PRPSAP2: variants seen among roughly 807,000 people sequenced by gnomAD.
PRPSAP2 encodes phosphoribosyl pyrophosphate synthase-associated protein 2.
In PRPSAP2, 24 loss-of-function variants were observed where a neutral mutation model predicts 40.6. That is an observed-to-expected ratio of 0.59 (90% CI 0.43 to 0.83). PRPSAP2 has a LOEUF of 0.83. Ranked by LOEUF, PRPSAP2 falls within the 40% of genes least tolerant of loss-of-function variation. The pLI, the probability that PRPSAP2 is intolerant of heterozygous loss-of-function variation, is 0.00. For missense variants in PRPSAP2, 292 were observed against 465.6 expected (o/e 0.63, Z 3.43); for synonymous variants, 149 against 164.7 (o/e 0.90, Z 0.73).
chr17:18,868,725 T>TC (rs1322513785), intron 4 of PRPSAP2, among the ~76,000 whole-genome samples: 3 of 149,186 alleles, frequency 2.0e-5, no homozygotes, highest in African/African-American at 7.4e-5. Flanking sequence ...AAAAAAACAT[T>TC]TTTTTTTTTT....
intron 9 of PRPSAP2, among the ~76,000 whole-genome samples, chr17:18,918,250 T>C (rs542415019): frequency 6.2e-4 from 94 of 152,242 alleles, no homozygotes; most frequent in Non-Finnish European, 1.2e-3. Context: ...CCATCACTTA[T>C]CAGCTGTGTG....
chr17:18,870,451 A>G lies in PRPSAP2; in HGVS notation c.173-2132A>G, dbSNP rs1431424524. The stretch of plus-strand genomic sequence containing the variant: ...ACAGTTAATCCTTGAATACTTGACC[A>G]TGCATCCTCTAGGAATAATTACTTT... On this transcript the variant is annotated intron_variant, in intron 4 of 11. Transcript: ENST00000268835. 2.0e-5 allele frequency among the ~76,000 whole-genome samples: 3 copies of G among 152,246 alleles called. No individual in the cohort carries two copies. In the East Asian group the frequency reaches 5.8e-4, roughly 29 times the overall value.
intron 9 of PRPSAP2, among the ~76,000 whole-genome samples, chr17:18,915,168 G>A (rs1043303171): frequency 1.3e-5 from 2 of 151,976 alleles, no homozygotes; most frequent in African/African-American, 4.8e-5. Context: ...GGGACTGCAG[G>A]CATGTGCCAC....
At chr17:18,880,858 G>C (rs186335993) in intron 6 of PRPSAP2, among the ~76,000 whole-genome samples, 1 of 151,888 alleles carries the variant, frequency 6.6e-6, no homozygotes, top group East Asian at 1.9e-4. Context: ...TTTCGAGATG[G>C]AGTCTCGCTC....
rs2042117109 is a variant in PRPSAP2, at chr17:18,929,024, C to G, written c.951+67C>G. ...TTTGGCACATCTTGATCTTTAGTTA[C>G]AGAGAGTCAGGACAAGACTGAGATC... is the stretch of plus-strand genomic sequence containing the variant. On this transcript the variant is annotated intron_variant, in intron 11 of 11. Coordinates refer to ENST00000268835, the MANE Select transcript of PRPSAP2 (RefSeq NM_002767.4). 10 of 1,556,296 alleles carry G rather than the reference C, an allele frequency of 6.4e-6. 1 individual carries two copies. In the East Asian group the frequency reaches 2.3e-4, roughly 35 times the overall value.
chr17:18,893,153 C>CTTT (rs71355574), intron 8 of PRPSAP2, among the ~76,000 whole-genome samples: 1 of 124,994 alleles, frequency 8.0e-6, no homozygotes, highest in Non-Finnish European at 1.7e-5. Context: ...TTCAATTTAT[C>CTTT]TTTTTTTTTT....
intron 4 of PRPSAP2, 76 bp downstream of exon 4, chr17:18,867,410 C>G: frequency 3.4e-6 from 5 of 1,491,320 alleles, no homozygotes; most frequent in Non-Finnish European, 4.7e-6. Flanking sequence ...TCATCCTTTA[C>G]TATTGAAACG....
intron 10 of PRPSAP2, among the ~76,000 whole-genome samples, chr17:18,925,822 C>G (rs1052623839): frequency 2.6e-5 from 4 of 152,164 alleles, no homozygotes; most frequent in African/African-American, 9.7e-5. Context: ...GTTAGAAAAT[C>G]TCTCTGGGGC....
At chr17:18,926,031 G>C (rs961389958) in intron 10 of PRPSAP2, among the ~76,000 whole-genome samples, 1 of 151,822 alleles carries the variant, frequency 6.6e-6, no homozygotes, top group Non-Finnish European at 1.5e-5. Flanking sequence ...ATGAGAGGCG[G>C]AGCTTGCAGT....
intron 10 of PRPSAP2, among the ~76,000 whole-genome samples, chr17:18,924,410 T>G (rs1210271838): frequency 1.3e-5 from 2 of 152,216 alleles, no homozygotes; most frequent in Non-Finnish European, 2.9e-5. Flanking sequence ...CTTATTAAAT[T>G]TGTGCCTTGT....
chr17:18,923,256 A>ATTTT (rs34975526), intron 9 of PRPSAP2, among the ~76,000 whole-genome samples: 11 of 105,392 alleles, frequency 1.0e-4, no homozygotes, highest in African/African-American at 3.0e-4. Context: ...CACTTGGCTA[A>ATTTT]TTTTTTTTTT....
chr17:18,892,718 TG>T (rs1290847657), intron 8 of PRPSAP2, among the ~76,000 whole-genome samples: 33 of 98,760 alleles, frequency 3.3e-4, no homozygotes, highest in African/African-American at 8.2e-4. Context: ...TGTGTGTGTG[TG>T]TGTGTGTGTA....
At chr17:18,889,303 C>T (rs1011614268) in intron 7 of PRPSAP2, among the ~76,000 whole-genome samples, 2 of 152,122 alleles carry the variant, frequency 1.3e-5, no homozygotes, top group African/African-American at 4.8e-5. Context: ...TATTAAAATT[C>T]ATTGGTGTAA....
rs1159948205 is a variant in PRPSAP2, at chr17:18,903,210, CTG to C, written c.585-7892_585-7891del. Among the ~76,000 whole-genome samples, 123 of 144,876 alleles carry C rather than the reference CTG, an allele frequency of 8.5e-4. 1 individual carries two copies. The highest frequency in any genetic ancestry group is 3.2e-3 in the African/African-American group (120 of 37,040). The stretch of plus-strand genomic sequence containing the variant: ...TGGGAGGCCGAGATGGGTGGATCTC[CTG>C]AGGTCAGGAGAATTGCTTGAACCCG... On this transcript the variant is annotated intron_variant, in intron 8 of 11. Transcript: ENST00000268835.
rs59052578 is a variant in PRPSAP2, at chr17:18,869,840, T to TG, written c.172+2506_172+2507insG. On this transcript the variant is annotated intron_variant, in intron 4 of 11. Coordinates refer to ENST00000268835, the MANE Select transcript of PRPSAP2 (RefSeq NM_002767.4). ...ATCTGTTCCCATTTTGCTACTTTTT[T>TG]TTTGTGTGTGTGTGTGTGTGTGTGT... Among the ~76,000 whole-genome samples the TG allele has an allele frequency of 5.1e-4, 72 of 142,572 alleles. 1 individual carries two copies. The East Asian group carries it at 9.4e-3, about 19-fold the overall frequency. 93.5% of individuals were successfully genotyped at this position (142,572 alleles called of 152,430 possible).
chr17:18,876,073 C>T (rs778165013), intron 5 of PRPSAP2, among the ~76,000 whole-genome samples: 1 of 152,080 alleles, frequency 6.6e-6, no homozygotes. Context: ...GCGGAGGTTG[C>T]GGTGAGCCGA....
intron 7 of PRPSAP2, 150 bp from the exon 8 acceptor site, chr17:18,889,672 G>T (rs1465159086): frequency 9.0e-6 from 5 of 555,066 alleles, no homozygotes; most frequent in Admixed American, 3.7e-5. Flanking sequence ...TTTTTCATAG[G>T]CAGGTTCCTT....
At chr17:18,909,957 C>T (rs564093770) in intron 8 of PRPSAP2, among the ~76,000 whole-genome samples, 51 of 152,270 alleles carry the variant, frequency 3.3e-4, no homozygotes, top group Non-Finnish European at 6.5e-4. Flanking sequence ...TGAATGTTCA[C>T]AGCAGCTTTG....
At chr17:18,876,111 C>T (rs578139434) in intron 5 of PRPSAP2, among the ~76,000 whole-genome samples, 5 of 152,208 alleles carry the variant, frequency 3.3e-5, no homozygotes, top group African/African-American at 1.2e-4. Flanking sequence ...CCAGCCTGGG[C>T]AACAAGAGCA....
Sources: allele counts gnomAD v4.1 joint callset (sites outside exome capture counted in the v4.1 genomes callset), GRCh38; gene constraint gnomAD v4.1.1; transcripts MANE v1.5; gene names NCBI Gene and HGNC (gene_info 2026-07-23, HGNC 2026-07-21).